Variants in NKAIN2 observed in about 807,000 individuals in gnomAD.
NKAIN2 encodes sodium/potassium transporting ATPase interacting 2.
NKAIN2 carries 14 observed loss-of-function variants against 32.6 expected under a neutral mutation model. The observed-to-expected ratio is 0.43, with a 90% CI of 0.28 to 0.67. The LOEUF (loss-of-function observed/expected upper bound fraction) is 0.67. NKAIN2 is among the 30% of genes least tolerant of loss of function. The pLI is 0.17. For synonymous variants in NKAIN2, 80 were observed against 87.2 expected, an observed-to-expected ratio of 0.92 and a Z score of 0.46; for missense variants, 198 against 258.3, an observed-to-expected ratio of 0.77 and a Z score of 1.60.
At chr6:124,275,939 C>T (rs1337461155) in intron 1 of NKAIN2, among the ~76,000 whole-genome samples, 1 of 151,884 alleles carries the variant, frequency 6.6e-6, no homozygotes, top group Non-Finnish European at 1.5e-5. Flanking sequence ...TTATAACATC[C>T]CCATATTGTA....
chr6:124,767,746 G>GT (rs998901079), intron 4 of NKAIN2, among the ~76,000 whole-genome samples: 3 of 152,186 alleles, frequency 2.0e-5, no homozygotes, highest in Non-Finnish European at 2.9e-5. Flanking sequence ...TCTGAAGCCA[G>GT]TAAGGGTGTG....
chr6:123,817,157 A>C (rs949906027), intron 1 of NKAIN2, among the ~76,000 whole-genome samples: 76 of 152,258 alleles, frequency 5.0e-4, no homozygotes, highest in African/African-American at 1.8e-3. Context: ...TTGTTTAATG[A>C]ATATGTGAAT....
chr6:124,164,881 C>G (rs1374992037), intron 1 of NKAIN2, among the ~76,000 whole-genome samples: 2 of 151,968 alleles, frequency 1.3e-5, no homozygotes, highest in African/African-American at 4.8e-5. Context: ...AATATGCTTA[C>G]ATTGGTACAA....
chr6:124,079,491 TC>T lies in NKAIN2; in HGVS notation c.55-203513del, dbSNP rs147880549. ...AATATAAATCATGGTCTCATTTGTT[TC>T]TCCTGGGTATCTGTGTGTTTGTGTG... On this transcript the variant is annotated intron_variant, in intron 1 of 6. Transcript: ENST00000368417. Among the ~76,000 whole-genome samples, 880 of 152,288 alleles carry T rather than the reference TC, an allele frequency of 5.8e-3. 12 individuals are homozygous for T. The highest frequency in any genetic ancestry group is 0.02 in the African/African-American group (846 of 41,556).
chr6:124,266,946 T>A (rs1794519904), intron 1 of NKAIN2, among the ~76,000 whole-genome samples: 1 of 151,662 alleles, frequency 6.6e-6, no homozygotes, highest in African/African-American at 2.4e-5. Context: ...TTCACTTCTG[T>A]GATTAGCAAA....
chr6:123,985,986 T>A (rs559429562), intron 1 of NKAIN2, among the ~76,000 whole-genome samples: 1 of 152,336 alleles, frequency 6.6e-6, no homozygotes, highest in South Asian at 2.1e-4. Flanking sequence ...TATTGTTATC[T>A]TTGGGACTGG....
At chr6:124,193,519 G>T (rs1455890942) in intron 1 of NKAIN2, among the ~76,000 whole-genome samples, 1 of 152,288 alleles carries the variant, frequency 6.6e-6, no homozygotes, top group East Asian at 1.9e-4. Context: ...CCCTAAGGAA[G>T]GAGTCAAAGC....
chr6:124,808,807 A>G (rs1045255407), intron 5 of NKAIN2, among the ~76,000 whole-genome samples: 1 of 152,148 alleles, frequency 6.6e-6, no homozygotes, highest in African/African-American at 2.4e-5. Context: ...AAATCAATGT[A>G]CAAAATCACA....
intron 3 of NKAIN2, among the ~76,000 whole-genome samples, chr6:124,513,929 C>T (rs1475443604): frequency 6.6e-6 from 1 of 152,064 alleles, no homozygotes. Flanking sequence ...TGATGTTCTG[C>T]AATGTGGGAC....
chr6:124,581,425 A>G (rs10081121), intron 3 of NKAIN2, among the ~76,000 whole-genome samples: 15,543 of 137,366 alleles, frequency 0.11, 1,140 homozygotes, highest in African/African-American at 0.2. Flanking sequence ...CGGCCTGGGC[A>G]ACAGAGCGAG....
chr6:123,880,147 G>A (rs570466230), intron 1 of NKAIN2, among the ~76,000 whole-genome samples: 20 of 152,304 alleles, frequency 1.3e-4, no homozygotes, highest in African/African-American at 4.6e-4. Flanking sequence ...TGCAGTATAT[G>A]TAAGGGACTA....
intron 1 of NKAIN2, among the ~76,000 whole-genome samples, chr6:124,097,403 A>T (rs1217925758): frequency 2.8e-3 from 14 of 5,080 alleles, no homozygotes; most frequent in Admixed American, 9.4e-3. Context: ...CTTCGTCTTA[A>T]AAAAAAAAAA....
intron 3 of NKAIN2, among the ~76,000 whole-genome samples, chr6:124,598,327 A>G (rs1782174300): frequency 6.6e-6 from 1 of 152,190 alleles, no homozygotes; most frequent in Admixed American, 6.6e-5. Context: ...CATGATCCAT[A>G]AAAGTGTCAG....
chr6:124,100,171 T>G (rs1475498165), intron 1 of NKAIN2, among the ~76,000 whole-genome samples: 1 of 152,234 alleles, frequency 6.6e-6, no homozygotes, highest in Non-Finnish European at 1.5e-5. Flanking sequence ...TTATAAGATT[T>G]CCTGATCCTT....
chr6:124,230,087 A>G (rs1282966866), intron 1 of NKAIN2, among the ~76,000 whole-genome samples: 2 of 151,820 alleles, frequency 1.3e-5, no homozygotes, highest in African/African-American at 4.8e-5. Context: ...CCAAATGCTG[A>G]TGGTATGGTC....
intron 3 of NKAIN2, among the ~76,000 whole-genome samples, chr6:124,483,590 G>T (rs1377229735): frequency 6.6e-6 from 1 of 151,978 alleles, no homozygotes; most frequent in Non-Finnish European, 1.5e-5. Flanking sequence ...ATGGCATGCA[G>T]AAGAATAAGG....
At chr6:124,421,223 T>C (rs908948050) in intron 3 of NKAIN2, among the ~76,000 whole-genome samples, 1 of 152,136 alleles carries the variant, frequency 6.6e-6, no homozygotes, top group Non-Finnish European at 1.5e-5. Flanking sequence ...GCTTTACTCA[T>C]GGGGACCCTC....
At chr6:123,823,489 G>A (rs878918725) in intron 1 of NKAIN2, 3 of 152,282 alleles carry the variant, frequency 2.0e-5, no homozygotes, top group Admixed American at 2.0e-4. Context: ...AACCAGTTAA[G>A]TGAGAGTGAT....
chr6:123,846,411 A>G (rs936540581), intron 1 of NKAIN2, among the ~76,000 whole-genome samples: 4 of 152,200 alleles, frequency 2.6e-5, no homozygotes, highest in Non-Finnish European at 5.9e-5. Context: ...TAAAGGAGAG[A>G]TGCAAATAGC....
Sources: gnomAD v4.1 joint callset for allele counts (sites outside exome capture counted in the v4.1 genomes callset) on GRCh38, gnomAD v4.1.1 for gene constraint, MANE v1.5 for transcripts, NCBI Gene and HGNC (gene_info 2026-07-23, HGNC 2026-07-21) for gene names.